ARMH4: variants seen among roughly 807,000 people sequenced by gnomAD.
ARMH4 encodes the protein armadillo like helical domain containing 4.
A neutral mutation model predicts 61.9 loss-of-function variants in ARMH4; 49 were observed. The observed-to-expected ratio is 0.79, with a 90% CI of 0.63 to 1.00. The LOEUF (loss-of-function observed/expected upper bound fraction) is 1.00, where lower values mean the gene tolerates loss of function less well. Ranked by LOEUF, ARMH4 falls within the 50% of genes least tolerant of loss-of-function variation. The pLI, the probability that ARMH4 is intolerant of heterozygous loss-of-function variation, is 0.00. For synonymous variants in ARMH4, 368 were observed against 341.5 expected (o/e 1.08, Z -0.85); for missense variants, 934 against 930.0 (o/e 1.00, Z -0.06).
At chr14:58,066,214 TC>T (rs754355147) in intron 5 of ARMH4, among the ~76,000 whole-genome samples, 1 of 152,250 alleles carries the variant, frequency 6.6e-6, no homozygotes, top group Non-Finnish European at 1.5e-5. Flanking sequence ...TAGTGGTCAA[TC>T]CTGGTAATAC....
intron 5 of ARMH4, among the ~76,000 whole-genome samples, chr14:58,020,505 CTCTT>C (rs1015363310): frequency 5.9e-5 from 9 of 152,128 alleles, no homozygotes; most frequent in Non-Finnish European, 1.0e-4. Context: ...CTCCCCTTGT[CTCTT>C]TCTCTATGAC....
intron 4 of ARMH4, among the ~76,000 whole-genome samples, chr14:58,105,495 T>C (rs1317532583): frequency 4.6e-5 from 7 of 152,090 alleles, no homozygotes; most frequent in Non-Finnish European, 7.4e-5. Flanking sequence ...GAGACCATCC[T>C]GGCCAACATG....
chr14:58,094,279 G>A lies in ARMH4; in HGVS notation c.2089+2445C>T, dbSNP rs547367440. Among the ~76,000 whole-genome samples the A allele has an allele frequency of 7.7e-5, 11 of 142,154 alleles. No individual in the cohort carries two copies. In the South Asian group the frequency reaches 1.6e-3, roughly 20 times the overall value. 93.3% of individuals were successfully genotyped at this position (142,154 alleles called of 152,430 possible). On this transcript the variant is annotated intron_variant, in intron 5 of 7. Transcript: ENST00000267485. ...CGGGAGGCAGAATTTGCAGTGAGTC[G>A]AGATCGCCCCACTACACTCCAGCCT...
At chr14:58,044,955 G>C (rs1488137792) in intron 5 of ARMH4, among the ~76,000 whole-genome samples, 1 of 152,142 alleles carries the variant, frequency 6.6e-6, no homozygotes, top group Non-Finnish European at 1.5e-5. Flanking sequence ...TAAAAAGCCA[G>C]GAAACAACAG....
chr14:58,118,031 TG>T (rs1435151719), intron 4 of ARMH4, among the ~76,000 whole-genome samples: 9 of 152,186 alleles, frequency 5.9e-5, no homozygotes, highest in Non-Finnish European at 1.3e-4. Flanking sequence ...CCCAAAGTGC[TG>T]GGAGAGAGCC....
chr14:58,127,219 C>T (rs528110256), intron 4 of ARMH4, among the ~76,000 whole-genome samples: 3 of 152,168 alleles, frequency 2.0e-5, no homozygotes, highest in Admixed American at 6.5e-5. Context: ...TTGGTTGTGT[C>T]CCCACCCAAA....
At chr14:58,136,815 T>G (rs1887316830) in intron 2 of ARMH4, among the ~76,000 whole-genome samples, 2 of 152,184 alleles carry the variant, frequency 1.3e-5, no homozygotes, top group Admixed American at 6.5e-5. Flanking sequence ...CTTATAATAT[T>G]CACGGATGCA....
At position 58,021,774 on chromosome 14, in the gene ARMH4, A is replaced by G. The variant is rs775541351; in HGVS notation, c.2090-9624T>C. ...AGAGGCTCAGAAACCTGGACTGTTC[A>G]TATGAAACAACCCAGAAGAGCTCGT... is the stretch of plus-strand genomic sequence containing the variant. On this transcript the variant is annotated intron_variant, in intron 5 of 7. Transcript: ENST00000267485. Among the ~76,000 whole-genome samples, 71 of 152,208 alleles carry G rather than the reference A, an allele frequency of 4.7e-4. 1 individual carries two copies. The highest frequency in any genetic ancestry group is 3.2e-3 in the Middle Eastern group (1 of 316).
rs531546226 is a variant in ARMH4 at position 58,032,642 on chromosome 14, G to C, written c.2090-20492C>G. 5.3e-5 allele frequency among the ~76,000 whole-genome samples: 8 copies of C among 151,980 alleles called. No individual in the cohort carries two copies. The East Asian group carries it at 5.9e-4, about 11-fold the overall frequency. On this transcript the variant is annotated intron_variant, in intron 5 of 7. Coordinates refer to ENST00000267485, the MANE Select transcript of ARMH4 (RefSeq NM_001001872.4). Reference sequence around the variant, plus strand: ...TTTCTGCATTTCCATCTGAGGTACCGGGTTCATCTCACTAGGGAGTGCCAG... The same window carrying C: ...TTTCTGCATTTCCATCTGAGGTACCCGGTTCATCTCACTAGGGAGTGCCAG...
chr14:58,060,608 C>T (rs924943788), intron 5 of ARMH4, among the ~76,000 whole-genome samples: 2 of 152,134 alleles, frequency 1.3e-5, no homozygotes, highest in African/African-American at 4.8e-5. Flanking sequence ...TGTAGATTAT[C>T]CTCCCCAAAC....
chr14:58,030,472 C>T (rs769133028), intron 5 of ARMH4, among the ~76,000 whole-genome samples: 94 of 152,310 alleles, frequency 6.2e-4, no homozygotes, highest in Middle Eastern at 3.4e-3. Context: ...GTAATATACA[C>T]GTGACATAGA....
intron 4 of ARMH4, among the ~76,000 whole-genome samples, chr14:58,130,966 T>C (rs768177197): frequency 4.6e-5 from 7 of 152,212 alleles, no homozygotes; most frequent in Non-Finnish European, 1.0e-4. Context: ...CCCCACCATC[T>C]TAATCTCAAT....
chr14:58,024,177 G>C (rs1882943870), intron 5 of ARMH4, among the ~76,000 whole-genome samples: 1 of 152,176 alleles, frequency 6.6e-6, no homozygotes, highest in South Asian at 2.1e-4. Flanking sequence ...TGCTATAAAA[G>C]TCCTATATAA....
intron 5 of ARMH4, among the ~76,000 whole-genome samples, chr14:58,087,450 T>C (rs1198507962): frequency 2.0e-5 from 3 of 152,198 alleles, no homozygotes; most frequent in Non-Finnish European, 2.9e-5. Flanking sequence ...CACTGGACTA[T>C]AGCGACACTC....
chr14:58,087,232 T>A (rs1018508123), intron 5 of ARMH4, among the ~76,000 whole-genome samples: 1 of 152,226 alleles, frequency 6.6e-6, no homozygotes, highest in Non-Finnish European at 1.5e-5. Flanking sequence ...TGAGGCCAGC[T>A]TGACAGTTCA....
chr14:58,086,741 A>C (rs1407679199), intron 5 of ARMH4, among the ~76,000 whole-genome samples: 1 of 152,202 alleles, frequency 6.6e-6, no homozygotes, highest in Admixed American at 6.5e-5. Flanking sequence ...AAAAATAAGC[A>C]AAATGAGATA....
chr14:58,107,817 T>A (rs1319772616), intron 4 of ARMH4, among the ~76,000 whole-genome samples: 1 of 147,964 alleles, frequency 6.8e-6, no homozygotes, highest in Admixed American at 6.7e-5. Context: ...AAGGATGCCA[T>A]GAAAAGAAAC....
At chr14:58,032,248 A>T (rs113779911) in intron 5 of ARMH4, among the ~76,000 whole-genome samples, 3,036 of 152,276 alleles carry the variant, frequency 0.02, 45 homozygotes, top group Non-Finnish European at 0.03. Context: ...TGCAGAAGAC[A>T]CTACTGGTTA....
At chr14:58,028,691 G>A (rs973014863) in intron 5 of ARMH4, among the ~76,000 whole-genome samples, 16 of 152,150 alleles carry the variant, frequency 1.1e-4, no homozygotes, top group African/African-American at 3.4e-4. Flanking sequence ...CACCATGGCT[G>A]CAGTGCAGGA....
Sources: allele counts gnomAD v4.1 joint callset (sites outside exome capture counted in the v4.1 genomes callset), GRCh38; gene constraint gnomAD v4.1.1; transcripts MANE v1.5; gene names NCBI Gene and HGNC (gene_info 2026-07-23, HGNC 2026-07-21).